ADK: variants seen among roughly 807,000 people sequenced by gnomAD.
The protein encoded by ADK is N6,N6-dimethyladenosine kinase.
ADK carries 24 observed loss-of-function variants against 44.7 expected under a neutral mutation model. The observed-to-expected ratio is 0.54, with a 90% CI of 0.39 to 0.76. ADK has a LOEUF of 0.76. Among genes scored for constraint, ADK ranks in the 30% least tolerant of loss-of-function variants. The pLI, the probability that ADK is intolerant of heterozygous loss-of-function variation, is 0.00. For missense variants in ADK, 321 were observed against 425.1 expected (o/e 0.76, Z 2.15); for synonymous variants, 128 against 142.6 (o/e 0.90, Z 0.73).
chr10:74,275,661 C>CT (rs1369082788), intron 3 of ADK, among the ~76,000 whole-genome samples: 1 of 151,888 alleles, frequency 6.6e-6, no homozygotes, highest in Non-Finnish European at 1.5e-5. Flanking sequence ...CTTTTCTTTT[C>CT]TTTTTTTTCT....
At chr10:74,359,488 G>T (rs185449739) in intron 4 of ADK, among the ~76,000 whole-genome samples, 3 of 152,178 alleles carry the variant, frequency 2.0e-5, no homozygotes. Flanking sequence ...TGGGAGGATT[G>T]CTTGAGGCCA....
intron 6 of ADK, among the ~76,000 whole-genome samples, chr10:74,520,876 G>A (rs1320261996): frequency 2.0e-5 from 3 of 152,006 alleles, no homozygotes; most frequent in Non-Finnish European, 2.9e-5. Flanking sequence ...TCTAATTAAC[G>A]TTATCCAGCC....
At chr10:74,699,713 A>G (rs1385571739) in intron 10 of ADK, among the ~76,000 whole-genome samples, 1 of 152,232 alleles carries the variant, frequency 6.6e-6, no homozygotes, top group Non-Finnish European at 1.5e-5. Flanking sequence ...GAAAGACCAA[A>G]CATCCTATAG....
chr10:74,356,758 G>T (rs1842160326), intron 4 of ADK, among the ~76,000 whole-genome samples: 1 of 152,204 alleles, frequency 6.6e-6, no homozygotes, highest in Admixed American at 6.5e-5. Flanking sequence ...CCCATTTACA[G>T]ATGGGAACCA....
At chr10:74,586,933 A>G (rs1249172528) in intron 7 of ADK, among the ~76,000 whole-genome samples, 1 of 139,754 alleles carries the variant, frequency 7.2e-6, no homozygotes, top group Non-Finnish European at 1.5e-5. Flanking sequence ...ATACACACAC[A>G]TAAATTTTTT....
At chr10:74,530,404 G>A (rs1849235440) in intron 7 of ADK, 1 of 151,960 alleles carries the variant, frequency 6.6e-6, no homozygotes, top group Non-Finnish European at 1.5e-5. Context: ...AAACACACTT[G>A]GCCCTTATTT....
intron 4 of ADK, among the ~76,000 whole-genome samples, chr10:74,393,131 TCTC>T (rs957057836): frequency 1.3e-5 from 2 of 152,148 alleles, no homozygotes; most frequent in African/African-American, 4.8e-5. Flanking sequence ...TACTTTTTCC[TCTC>T]CTCATCCTTT....
At chr10:74,234,951 T>G (rs1043060940) in intron 3 of ADK, among the ~76,000 whole-genome samples, 1 of 152,170 alleles carries the variant, frequency 6.6e-6, no homozygotes, top group Non-Finnish European at 1.5e-5. Flanking sequence ...AAAGTTTTAA[T>G]AACATATACA....
intron 6 of ADK, among the ~76,000 whole-genome samples, chr10:74,465,944 T>G (rs774612486): frequency 2.0e-5 from 3 of 152,198 alleles, no homozygotes; most frequent in Non-Finnish European, 4.4e-5. Context: ...AGATGGATTT[T>G]TAATTGATTT....
At chr10:74,704,871 G>A (rs921379629) in intron 10 of ADK, among the ~76,000 whole-genome samples, 3 of 152,242 alleles carry the variant, frequency 2.0e-5, no homozygotes, top group Middle Eastern at 3.4e-3. Flanking sequence ...GAGCATTTTC[G>A]CCTCACAGTT....
At chr10:74,603,629 T>C (rs1026719548) in intron 9 of ADK, among the ~76,000 whole-genome samples, 3 of 152,238 alleles carry the variant, frequency 2.0e-5, no homozygotes, top group African/African-American at 7.2e-5. Flanking sequence ...GGTGTATATG[T>C]GCCACATTTT....
intron 2 of ADK, among the ~76,000 whole-genome samples, chr10:74,222,866 T>C (rs1399118221): frequency 2.6e-5 from 1 of 38,996 alleles, no homozygotes; most frequent in Non-Finnish European, 4.8e-5. Context: ...TGTTGTGGGG[T>C]GGGGGGAGGG....
chr10:74,571,477 G>A (rs1266492726), intron 7 of ADK, among the ~76,000 whole-genome samples: 2 of 152,290 alleles, frequency 1.3e-5, no homozygotes, highest in African/African-American at 2.4e-5. Context: ...CCTGTTATTC[G>A]TCTATTCAGA....
intron 1 of ADK, among the ~76,000 whole-genome samples, chr10:74,190,864 T>A (rs1842930832): frequency 6.6e-6 from 1 of 152,158 alleles, no homozygotes; most frequent in Admixed American, 6.5e-5. Flanking sequence ...CATGTTAAAA[T>A]GCCACAAAGC....
At chr10:74,696,627 C>T (rs574845425) in intron 10 of ADK, among the ~76,000 whole-genome samples, 32 of 152,104 alleles carry the variant, frequency 2.1e-4, no homozygotes, top group Non-Finnish European at 4.6e-4. Flanking sequence ...GCCTCGGCCT[C>T]CCAAAGCACT....
chr10:74,547,624 G>A (rs1849884086), intron 7 of ADK, among the ~76,000 whole-genome samples: 1 of 150,948 alleles, frequency 6.6e-6, no homozygotes, highest in Non-Finnish European at 1.5e-5. Flanking sequence ...TGGGAATACA[G>A]GCGCGCACCA....
intron 6 of ADK, among the ~76,000 whole-genome samples, chr10:74,475,275 A>G (rs879783761): frequency 4.6e-5 from 7 of 152,318 alleles, no homozygotes; most frequent in Admixed American, 6.5e-5. Context: ...AGATTTAACT[A>G]TTGAGAGCTT....
At chr10:74,363,789 A>G (rs1040674820) in intron 4 of ADK, among the ~76,000 whole-genome samples, 4 of 151,458 alleles carry the variant, frequency 2.6e-5, no homozygotes, top group African/African-American at 9.7e-5. Flanking sequence ...GACCACAGCA[A>G]GAAGGGTCAG....
chr10:74,522,451 G>A (rs537361397), intron 6 of ADK, among the ~76,000 whole-genome samples: 1 of 152,112 alleles, frequency 6.6e-6, no homozygotes, highest in East Asian at 1.9e-4. Context: ...ATATTTTGGG[G>A]TATTGTATTC....
Sources: allele counts gnomAD v4.1 joint callset (sites outside exome capture counted in the v4.1 genomes callset), GRCh38; gene constraint gnomAD v4.1.1; transcripts MANE v1.5; gene names NCBI Gene and HGNC (gene_info 2026-07-23, HGNC 2026-07-21).